The following ATP13A3 variants were observed in gnomAD, a reference collection of about 807,000 sequenced individuals.
ATP13A3 encodes the protein polyamine-transporting ATPase 13A3.
In ATP13A3, 59 loss-of-function variants were observed where a neutral mutation model predicts 158.1. The observed-to-expected ratio is 0.37, with a 90% CI of 0.30 to 0.46. The LOEUF (loss-of-function observed/expected upper bound fraction) is 0.46. Ranked by LOEUF, ATP13A3 falls within the 20% of genes least tolerant of loss-of-function variation. The pLI is 1.00. For synonymous variants in ATP13A3, 491 were observed against 504.3 expected (o/e 0.97, Z 0.35); for missense variants, 1,166 against 1,525.2 (o/e 0.76, Z 3.92).
At chr3:194,469,895 T>C (rs575129808) in intron 2 of ATP13A3, among the ~76,000 whole-genome samples, 8 of 152,328 alleles carry the variant, frequency 5.3e-5, no homozygotes, top group Admixed American at 5.2e-4. Flanking sequence ...CCCAATACGT[T>C]TAAAGCCTTA....
rs2108683763 is a variant in ATP13A3, at chr3:194,404,990, A to C, written c.*929T>G. On this transcript the variant is annotated 3_prime_UTR_variant, in exon 34 of 34. Transcript: ENST00000645319. The stretch of plus-strand genomic sequence containing the variant: ...GAGGTAAAATTCTAACTTAAAAAAA[A>C]CTATTATCCTATGTCTTTAGGTAAT... 6.6e-6 allele frequency: 1 copy of C among 152,362 alleles called. No homozygotes were observed. The highest frequency in any genetic ancestry group is 1.5e-5 in the Non-Finnish European group (1 of 68,042). The allele number at this position is 152,362 out of a possible 1,614,324, so 9.4% of individuals were successfully genotyped here.
chr3:194,444,844 C>G (rs1051782985), intron 14 of ATP13A3, 58 bp from the exon 15 acceptor site: 2 of 1,387,680 alleles, frequency 1.4e-6, no homozygotes, highest in Non-Finnish European at 2.0e-6. Flanking sequence ...AAAAAAAACC[C>G]AAAAATAAAA....
intron 6 of ATP13A3, among the ~76,000 whole-genome samples, chr3:194,458,220 G>T (rs1332288895): frequency 6.6e-6 from 1 of 151,878 alleles, no homozygotes; most frequent in African/African-American, 2.4e-5. Context: ...TCAATCAATG[G>T]AGTAAGTTTA....
At chr3:194,426,848 G>A (rs1021504625) in intron 29 of ATP13A3, among the ~76,000 whole-genome samples, 1 of 151,994 alleles carries the variant, frequency 6.6e-6, no homozygotes, top group African/African-American at 2.4e-5. Flanking sequence ...TTTTAGTAGA[G>A]ACGGGGATTC....
At position 194,405,625 on chromosome 3, in the gene ATP13A3, C is replaced by A; in HGVS notation, c.*294G>T. 3.3e-6 allele frequency: 1 copy of A among 299,598 alleles called. No individual in the cohort carries two copies. The highest frequency in any genetic ancestry group is 6.3e-6 in the Non-Finnish European group (1 of 158,570). 18.6% of individuals were successfully genotyped at this position (299,598 alleles called of 1,614,324 possible). Reference sequence around the variant, plus strand: ...TACCAAACACCAAACTTCTCCTGTACCCAATATAAAGAATATCACTGAAAG... The same window carrying A: ...TACCAAACACCAAACTTCTCCTGTAACCAATATAAAGAATATCACTGAAAG... On this transcript the variant is annotated 3_prime_UTR_variant, in exon 34 of 34. Coordinates refer to ENST00000645319, the MANE Select transcript of ATP13A3 (RefSeq NM_001367549.1).
At position 194,444,675 on chromosome 3, in the gene ATP13A3, TA is replaced by T. The variant is rs971017940; in HGVS notation, c.1559+49del. On this transcript the variant is annotated intron_variant, in intron 15 of 33. Transcript: ENST00000645319. ...CTTTATGTTTGAATGTTGCACATGT[TA>T]AAATATTAAAAATAAACTAATAAAC... 3.4e-6 allele frequency: 5 copies of T among 1,466,334 alleles called. No individual in the cohort carries two copies. The African/African-American group carries it at 7.1e-5, about 21-fold the overall frequency. The allele number at this position is 1,466,334 out of a possible 1,614,324, so 90.8% of individuals were successfully genotyped here.
intron 2 of ATP13A3, among the ~76,000 whole-genome samples, chr3:194,462,615 A>G (rs1719742173): frequency 6.6e-6 from 1 of 152,230 alleles, no homozygotes; most frequent in East Asian, 1.9e-4. Context: ...CCCTGGTGCC[A>G]AAAAGGTTGG....
At chr3:194,457,785 CTTTTTTT>C (rs147162535) in intron 6 of ATP13A3, among the ~76,000 whole-genome samples, 50 of 127,910 alleles carry the variant, frequency 3.9e-4, no homozygotes, top group African/African-American at 1.5e-3. Flanking sequence ...CTTAATTATG[CTTTTTTT>C]TTTTTTTTTT....
At chr3:194,467,059 G>A (rs1324783118) in intron 2 of ATP13A3, among the ~76,000 whole-genome samples, 1 of 152,100 alleles carries the variant, frequency 6.6e-6, no homozygotes, top group Non-Finnish European at 1.5e-5. Flanking sequence ...CTTCACCCTT[G>A]TCTTTCATCA....
intron 15 of ATP13A3, among the ~76,000 whole-genome samples, chr3:194,442,238 T>C (rs1718099772): frequency 6.6e-6 from 1 of 152,204 alleles, no homozygotes; most frequent in Non-Finnish European, 1.5e-5. Flanking sequence ...GAGTCCATAA[T>C]TTAAAGATGC....
At position 194,433,863 on chromosome 3, in the gene ATP13A3, T is replaced by A; in HGVS notation, c.2154A>T (p.Gly718=). 6.2e-7 allele frequency: 1 copy of A among 1,613,884 alleles called. No individual in the cohort carries two copies. Among genetic ancestry groups the A allele is most frequent in the Non-Finnish European group, 8.5e-7 (1 of 1,179,804 alleles). Residue 718 remains glycine, a synonymous_variant, in exon 21 of 34, where the codon GGA becomes GGT. Coordinates refer to ENST00000645319, the MANE Select transcript of ATP13A3 (RefSeq NM_001367549.1). Reference sequence around the variant, plus strand: ...TTAATTTGTTCTGCATTATAATTAATCCCATAAAATCCATGTTGTTCTCAA... The same window carrying A: ...TTAATTTGTTCTGCATTATAATTAAACCCATAAAATCCATGTTGTTCTCAA... ...DAIENNMDFM[G]LIIMQNKLKQ...
chr3:194,428,697 A>C (rs1409557220), intron 28 of ATP13A3, 148 bp downstream of exon 28: 2 of 536,592 alleles, frequency 3.7e-6, no homozygotes, highest in Non-Finnish European at 6.5e-6. Flanking sequence ...CGCAAGATAT[A>C]AACAACTGGT....
At chr3:194,410,312 A>ACAAAAAAAC (rs1327784784) in intron 33 of ATP13A3, among the ~76,000 whole-genome samples, 1 of 140,954 alleles carries the variant, frequency 7.1e-6, no homozygotes, top group African/African-American at 2.7e-5. Context: ...AAAAAAAAAA[A>ACAAAAAAAC]AAAAAAAAAA....
At chr3:194,449,125 T>G (rs1187315060) in intron 11 of ATP13A3, among the ~76,000 whole-genome samples, 5 of 150,624 alleles carry the variant, frequency 3.3e-5, no homozygotes, top group African/African-American at 1.2e-4. Context: ...AAAAGAGATG[T>G]GAAAATGAGT....
chr3:194,450,499 G>GAA lies in ATP13A3; in HGVS notation c.839-224_839-223insTT. ...CTGCTAGGACACCAGCTGTGCACCG[G>GAA]TGATGCCAAGTACCCTCTGACGAAG... On this transcript the variant is annotated intron_variant, in intron 10 of 33. Coordinates refer to ENST00000645319, the MANE Select transcript of ATP13A3 (RefSeq NM_001367549.1). 6.2e-6 allele frequency: 3 copies of GAA among 480,478 alleles called. No individual in the cohort carries two copies. In the East Asian group the frequency reaches 1.2e-4, roughly 19 times the overall value. The allele number at this position is 480,478 out of a possible 1,614,324, so 29.8% of individuals were successfully genotyped here. A position where few individuals can be genotyped will look rare whatever the true frequency, so the allele number is the denominator to read the frequency against.
intron 15 of ATP13A3, among the ~76,000 whole-genome samples, chr3:194,442,886 AGAAAT>A (rs935099289): frequency 1.3e-5 from 2 of 152,216 alleles, no homozygotes; most frequent in African/African-American, 4.8e-5. Flanking sequence ...AGGTATTAAG[AGAAAT>A]GAAATAACAG....
At chr3:194,461,487 C>T (rs948054934) in intron 3 of ATP13A3, among the ~76,000 whole-genome samples, 7 of 152,158 alleles carry the variant, frequency 4.6e-5, no homozygotes, top group Non-Finnish European at 7.4e-5. Context: ...AAATGATTTA[C>T]TAATTGTCCC....
At chr3:194,470,609 A>G (rs1025520255) in intron 2 of ATP13A3, among the ~76,000 whole-genome samples, 16 of 152,202 alleles carry the variant, frequency 1.1e-4, no homozygotes, top group African/African-American at 3.4e-4. Flanking sequence ...TATCATTTAT[A>G]TGCAATGTAA....
chr3:194,470,739 G>T (rs116453752), intron 2 of ATP13A3, among the ~76,000 whole-genome samples: 3,700 of 152,226 alleles, frequency 0.024, 91 homozygotes, highest in African/African-American at 0.065. Context: ...TAAAAAGTAT[G>T]TAACTTTTTA....
Sources: gnomAD v4.1 joint callset for allele counts (sites outside exome capture counted in the v4.1 genomes callset) on GRCh38, gnomAD v4.1.1 for gene constraint, MANE v1.5 for transcripts, NCBI Gene and HGNC (gene_info 2026-07-23, HGNC 2026-07-21) for gene names.